The following BMX variants were observed in gnomAD, a reference collection of about 807,000 sequenced individuals.
The protein encoded by BMX is cytoplasmic tyrosine-protein kinase BMX.
In BMX, 31 loss-of-function variants were observed where a neutral mutation model predicts 59.2. The ratio of observed to expected loss-of-function variants is 0.52; its 90% CI spans 0.39 to 0.71. The LOEUF is 0.71. BMX is among the 30% of genes least tolerant of loss of function. BMX has a pLI of 0.00. For missense variants in BMX, 474 were observed against 491.7 expected, an observed-to-expected ratio of 0.96 and a Z score of 0.34; for synonymous variants, 185 against 181.0, an observed-to-expected ratio of 1.02 and a Z score of -0.18.
In BMX at chrX:15,543,096, G is replaced by C. The variant is rs1349359949; in HGVS notation, c.1637G>C (p.Arg546Thr). Residue 546 changes from arginine (R) to threonine (T), a missense_variant, in exon 16 of 19, where the codon AGA becomes ACA. Coordinates refer to ENST00000348343, the MANE Select transcript of BMX (RefSeq NM_203281.3). ...DLAARNCLVD[R>T]DLCVKVSDFG... is the part of the protein sequence containing the mutation. The stretch of plus-strand genomic sequence containing the variant: ...GCTGCTCGTAACTGCTTGGTGGACA[G>C]AGATCTCTGTGTGAAAGTATCTGAC... 8 of 1,207,082 alleles carry C rather than the reference G, an allele frequency of 6.6e-6. No individual in the cohort carries two copies. The highest frequency in any genetic ancestry group is 8.9e-6 in the Non-Finnish European group (8 of 893,912).
intron 9 of BMX, among the ~76,000 whole-genome samples, chrX:15,527,247 A>AAATATATATATATATATAT (rs1569224683): frequency 1.8e-5 from 1 of 56,362 alleles, no homozygotes; most frequent in African/African-American, 8.8e-5. Context: ...CACACACACA[A>AAATATATATATATATATAT]ATATATATAT....
chrX:15,546,228 T>G, intron 16 of BMX, among the ~76,000 whole-genome samples: 1 of 112,164 alleles, frequency 8.9e-6, no homozygotes, highest in South Asian at 3.7e-4. Context: ...CATAGGATAT[T>G]TTTGTTCATC....
In BMX at chrX:15,556,420, A is replaced by T; in HGVS notation, c.*273A>T. 1 of 225,487 alleles carries T rather than the reference A, an allele frequency of 4.4e-6. No individual in the cohort carries two copies. The highest frequency in any genetic ancestry group is 6.7e-5 in the Admixed American group (1 of 14,817). 18.6% of individuals were successfully genotyped at this position (225,487 alleles called of 1,213,427 possible). ...AGACTGCAATATAGAGACTGTGTTC[A>T]TGTGTAAAGACTGAGCAGAACTGAA... On this transcript the variant is annotated 3_prime_UTR_variant, in exon 19 of 19. Transcript: ENST00000348343.
At position 15,525,323 on chromosome X, in the gene BMX, A is replaced by G; in HGVS notation, c.788A>G (p.Gln263Arg). ...AGTGAAGATGTTGCAAGCAGTAACC[A>G]AAAAGAAAGAAATGTGAATCACACC... ...SSSEDVASSN[Q>R]KERNVNHTTS... Residue 263 changes from glutamine to arginine, a missense_variant, in exon 8 of 19, where the codon CAA (glutamine) becomes CGA (arginine). Coordinates refer to ENST00000348343, the MANE Select transcript of BMX (RefSeq NM_203281.3). The G allele has an allele frequency of 8.3e-7, 1 of 1,210,229 alleles. No individual in the cohort carries two copies. Among genetic ancestry groups the G allele is most frequent in the Non-Finnish European group, 1.1e-6 (1 of 894,317 alleles).
At chrX:15,530,998 A>G (rs112446972) in intron 10 of BMX, among the ~76,000 whole-genome samples, 1,766 of 111,735 alleles carry the variant, frequency 0.016, 16 homozygotes, top group Non-Finnish European at 0.024. Flanking sequence ...TTTATTCTTG[A>G]TCTTTGGTTT....
intron 15 of BMX, 140 bp from the exon 16 acceptor site, chrX:15,542,930 GA>G (rs770271856): frequency 7.2e-5 from 37 of 512,344 alleles, no homozygotes; most frequent in Admixed American, 4.7e-4. Context: ...AATTGCAAAG[GA>G]AAAAAAAGAC....
At chrX:15,519,095 C>T (rs1206263186) in intron 6 of BMX, among the ~76,000 whole-genome samples, 1 of 111,898 alleles carries the variant, frequency 8.9e-6, no homozygotes, top group Non-Finnish European at 1.9e-5. Context: ...TTCATAGCCA[C>T]AGCCTTCTGT....
chrX:15,506,911 C>A (rs1165510991), intron 1 of BMX, among the ~76,000 whole-genome samples: 1 of 112,723 alleles, frequency 8.9e-6, no homozygotes, highest in Non-Finnish European at 1.9e-5. Context: ...ATAAGATTTC[C>A]ACTACTTCTG....
At chrX:15,527,283 T>TATATACACAC (rs1285065649) in intron 9 of BMX, among the ~76,000 whole-genome samples, 12 of 65,852 alleles carry the variant, frequency 1.8e-4, no homozygotes, top group African/African-American at 2.7e-4. Context: ...TATATATATA[T>TATATACACAC]ACACACACAC....
intron 7 of BMX, among the ~76,000 whole-genome samples, chrX:15,523,465 G>T (rs1206822003): frequency 9.0e-6 from 1 of 111,695 alleles, no homozygotes; most frequent in Non-Finnish European, 1.9e-5. Context: ...AATAATACAG[G>T]GCCATATGGA....
rs187462700 is a variant in BMX, at chrX:15,514,000, T to G, written c.326-2112T>G. ...ATGTAAAGTCCTATGGATATATGAA[T>G]ATATGAGTTCCTCTTATTGTCGTTA... On this transcript the variant is annotated intron_variant, in intron 4 of 18. Coordinates refer to ENST00000348343, the MANE Select transcript of BMX (RefSeq NM_203281.3). Among the ~76,000 whole-genome samples the G allele has an allele frequency of 3.6e-5, 4 of 112,110 alleles. No homozygotes were observed. In the East Asian group the frequency reaches 1.1e-3, roughly 31 times the overall value.
chrX:15,529,931 A>G, intron 9 of BMX, 42 bp from the exon 10 acceptor site: 1 of 1,151,478 alleles, frequency 8.7e-7, no homozygotes, highest in Non-Finnish European at 1.2e-6. Context: ...TATACAATCT[A>G]AAACTTATTG....
intron 10 of BMX, among the ~76,000 whole-genome samples, chrX:15,530,513 C>T (rs1343395710): frequency 8.9e-6 from 1 of 111,903 alleles, no homozygotes; most frequent in Non-Finnish European, 1.9e-5. Flanking sequence ...AAGCACTTTT[C>T]GAGTCTCTGC....
At chrX:15,518,040 A>G in intron 6 of BMX, 47 bp downstream of exon 6, 1 of 1,056,991 alleles carries the variant, frequency 9.5e-7, no homozygotes, top group South Asian at 2.0e-5. Context: ...GATATATTAA[A>G]TAAACCAAGA....
intron 1 of BMX, among the ~76,000 whole-genome samples, chrX:15,501,854 G>A (rs1024850929): frequency 4.5e-5 from 5 of 111,771 alleles, no homozygotes; most frequent in African/African-American, 1.3e-4. Flanking sequence ...ACTATGTATG[G>A]ACTGGTGTTT....
chrX:15,515,341 TTAATAA>T (rs993729777), intron 4 of BMX, among the ~76,000 whole-genome samples: 1 of 110,227 alleles, frequency 9.1e-6, no homozygotes, highest in African/African-American at 3.3e-5. Flanking sequence ...ATTTTAAAAA[TTAATAA>T]TAATAATAAT....
chrX:15,503,768 G>A (rs961197666), intron 1 of BMX, among the ~76,000 whole-genome samples: 9 of 112,123 alleles, frequency 8.0e-5, no homozygotes, highest in Non-Finnish European at 1.3e-4. Context: ...TTAGACTGCC[G>A]GGATTCAAAT....
chrX:15,510,262 C>T (rs1923902440), intron 3 of BMX, among the ~76,000 whole-genome samples: 1 of 111,669 alleles, frequency 9.0e-6, no homozygotes, highest in Non-Finnish European at 1.9e-5. Context: ...ATTTCTGATC[C>T]AAAGGTAGAT....
chrX:15,542,422 G>A (rs1486849613), intron 15 of BMX, among the ~76,000 whole-genome samples: 4 of 111,950 alleles, frequency 3.6e-5, no homozygotes, highest in Middle Eastern at 8.3e-3. Flanking sequence ...CTACATAGCT[G>A]TGTTGTGGCA....
Sources: gnomAD v4.1 joint callset for allele counts (sites outside exome capture counted in the v4.1 genomes callset) on GRCh38, gnomAD v4.1.1 for gene constraint, MANE v1.5 for transcripts, NCBI Gene and HGNC (gene_info 2026-07-23, HGNC 2026-07-21) for gene names.